PLAT: variants seen among roughly 807,000 people sequenced by gnomAD.
The protein encoded by PLAT is plasminogen activator, tissue type.
PLAT carries 48 observed loss-of-function variants against 74.9 expected under a neutral mutation model. The ratio of observed to expected loss-of-function variants is 0.64; its 90% CI spans 0.51 to 0.82. The LOEUF is 0.82. Ranked by LOEUF, PLAT falls within the 40% of genes least tolerant of loss-of-function variation. PLAT has a pLI of 0.00. For missense variants in PLAT, 673 were observed against 736.2 expected (o/e 0.91, Z 0.99); for synonymous variants, 307 against 294.4 (o/e 1.04, Z -0.44).
At position 42,175,954 on chromosome 8, in the gene PLAT, C is replaced by T. The variant is rs995263361; in HGVS notation, c.*39G>A. 14 of 1,605,320 alleles carry T rather than the reference C, an allele frequency of 8.7e-6. No individual in the cohort carries two copies. Among genetic ancestry groups the T allele is most frequent in the Admixed American group, 3.3e-5 (2 of 59,794 alleles). The stretch of plus-strand genomic sequence containing the variant: ...GCAGTGTCTTCTGAAGAAGAAGAGG[C>T]GGGATCTCATTTGCTTTTGAGGAGT... On this transcript the variant is annotated 3_prime_UTR_variant, in exon 14 of 14. Coordinates refer to ENST00000220809, the MANE Select transcript of PLAT (RefSeq NM_000930.5).
At chr8:42,178,245 C>T (rs1390457521) in intron 13 of PLAT, among the ~76,000 whole-genome samples, 4 of 150,214 alleles carry the variant, frequency 2.7e-5, no homozygotes, top group Admixed American at 6.6e-5. Context: ...CTAGTGCCAA[C>T]AGAGGCAAAC....
In PLAT at chr8:42,203,990, TATACAC is replaced by T. The variant is rs1273335003; in HGVS notation, c.-27+3498_-27+3503del. On this transcript the variant is annotated intron_variant, in intron 1 of 13. Transcript: ENST00000220809. ...TAAATTATATATATATATATATATA[TATACAC>T]ACACACACACACACACACACACACA... 9.1e-5 allele frequency among the ~76,000 whole-genome samples: 11 copies of T among 121,112 alleles called. No homozygotes were observed. The East Asian group carries it at 1.1e-3, about 12-fold the overall frequency. The allele number at this position is 121,112 out of a possible 152,430, so 79.5% of individuals were successfully genotyped here.
At chr8:42,179,694 A>T (rs1407104398) in intron 12 of PLAT, among the ~76,000 whole-genome samples, 1 of 151,998 alleles carries the variant, frequency 6.6e-6, no homozygotes, top group Non-Finnish European at 1.5e-5. Flanking sequence ...AACCTTCCCA[A>T]CACCTGCAGC....
At chr8:42,200,916 G>A (rs537571995) in intron 1 of PLAT, among the ~76,000 whole-genome samples, 4 of 151,654 alleles carry the variant, frequency 2.6e-5, no homozygotes, top group Admixed American at 6.6e-5. Context: ...TGCAACCTCC[G>A]CCTCCTGGGT....
At chr8:42,198,241 GC>G (rs1247961886) in intron 1 of PLAT, among the ~76,000 whole-genome samples, 9 of 152,200 alleles carry the variant, frequency 5.9e-5, no homozygotes, top group Non-Finnish European at 1.3e-4. Context: ...TGTAATCCCA[GC>G]ACTTTGGGAG....
chr8:42,192,107 G>C (rs966813905), intron 2 of PLAT, among the ~76,000 whole-genome samples: 2 of 149,956 alleles, frequency 1.3e-5, no homozygotes, highest in African/African-American at 4.9e-5. Flanking sequence ...GAACTTAAGC[G>C]ATCCTCCCGC....
intron 6 of PLAT, chr8:42,187,107 T>C (rs1354920418): frequency 1.0e-5 from 3 of 300,578 alleles, no homozygotes; most frequent in Non-Finnish European, 1.2e-5. Flanking sequence ...CATCTATCAA[T>C]CTATCATCTA....
intron 2 of PLAT, among the ~76,000 whole-genome samples, chr8:42,191,684 C>T (rs376104967): frequency 2.6e-5 from 4 of 152,018 alleles, no homozygotes; most frequent in African/African-American, 7.2e-5. Context: ...ACAGGGCCAC[C>T]GAGTGCTTTG....
chr8:42,180,932 G>A (rs1204150753), intron 9 of PLAT, among the ~76,000 whole-genome samples: 2 of 152,216 alleles, frequency 1.3e-5, no homozygotes, highest in African/African-American at 4.8e-5. Context: ...CCAAAACTGG[G>A]GATCTGCCAT....
rs552849606 is a variant in PLAT, at chr8:42,179,005, G to A, written c.1422C>T (p.Ser474=). Residue 474 remains serine, a synonymous_variant, in exon 13 of 14, where the codon AGC becomes AGT. Transcript: ENST00000220809. The part of the protein sequence containing the change: ...KEAHVRLYPS[S]RCTSQHLLNR... ...TAAGTAAATGTTGTGATGTGCAGCG[G>A]CTGGATGGGTACAGTCTGACATGAG... 1.9e-6 allele frequency: 3 copies of A among 1,613,440 alleles called. No individual in the cohort carries two copies. In the Admixed American group the frequency reaches 5.0e-5, roughly 27 times the overall value.
chr8:42,204,392 A>G (rs1176842550), intron 1 of PLAT, among the ~76,000 whole-genome samples: 1 of 152,242 alleles, frequency 6.6e-6, no homozygotes, highest in African/African-American at 2.4e-5. Context: ...AAAATCACTC[A>G]GAGAAAGTAA....
intron 11 of PLAT, 44 bp from the exon 12 acceptor site, chr8:42,180,110 C>G: frequency 6.3e-7 from 1 of 1,589,552 alleles, no homozygotes; most frequent in Non-Finnish European, 8.6e-7. Flanking sequence ...AGGGCCGCGT[C>G]CCCGGGAGGG....
intron 1 of PLAT, among the ~76,000 whole-genome samples, chr8:42,206,405 A>G (rs1302840056): frequency 6.6e-6 from 1 of 152,220 alleles, no homozygotes; most frequent in Non-Finnish European, 1.5e-5. Context: ...GATTGAGTCT[A>G]GATCCCAGAA....
At chr8:42,200,642 A>C (rs1806092352) in intron 1 of PLAT, among the ~76,000 whole-genome samples, 1 of 141,760 alleles carries the variant, frequency 7.1e-6, no homozygotes, top group Admixed American at 7.6e-5. Flanking sequence ...ATACCACTGC[A>C]CTCCAGCTTG....
In PLAT at chr8:42,180,394, C is replaced by T. The variant is rs1805186610; in HGVS notation, c.1086-16G>A. 2 of 1,614,000 alleles carry T rather than the reference C, an allele frequency of 1.2e-6. No individual in the cohort carries two copies. Among genetic ancestry groups the T allele is most frequent in the Non-Finnish European group, 1.7e-6 (2 of 1,179,962 alleles). On this transcript the variant is annotated splice_polypyrimidine_tract_variant and intron_variant, in intron 10 of 13. Coordinates refer to ENST00000220809, the MANE Select transcript of PLAT (RefSeq NM_000930.5). The stretch of plus-strand genomic sequence containing the variant: ...GGGCGGAAACCTGGTGGAGAAACAG[C>T]CTTAGAATGCTTTTTTTGCTGTGGG...
chr8:42,181,921 G>C lies in PLAT; in HGVS notation c.889+16C>G. The C allele has an allele frequency of 6.5e-7, 1 of 1,549,654 alleles. No individual in the cohort carries two copies. The highest frequency in any genetic ancestry group is 8.9e-7 in the Non-Finnish European group (1 of 1,121,314). On this transcript the variant is annotated intron_variant, in intron 9 of 13. Transcript: ENST00000220809. ...GGAGACCAGGTGCAGGGAGGCAGCC[G>C]GGGCCCAGCCCTTACAGCAGGAGGG...
Position 42,204,371 on chromosome 8 carries a change from A to C in PLAT, c.-27+3123T>G, listed in dbSNP as rs183760155. Among the ~76,000 whole-genome samples the C allele has an allele frequency of 2.0e-5, 3 of 152,322 alleles. No individual in the cohort carries two copies. In the East Asian group the frequency reaches 5.8e-4, roughly 29 times the overall value. ...ATTGTCCGTCCCAACAATCTCATCAAAGCAGAAGCGAAAATCACTCAGAGA... is the reference window on the plus strand; with the variant it reads ...ATTGTCCGTCCCAACAATCTCATCACAGCAGAAGCGAAAATCACTCAGAGA... On this transcript the variant is annotated intron_variant, in intron 1 of 13. Transcript: ENST00000220809.
chr8:42,187,216 C>T, intron 6 of PLAT, 182 bp downstream of exon 6: 1 of 502,266 alleles, frequency 2.0e-6, no homozygotes, highest in Non-Finnish European at 3.5e-6. Flanking sequence ...TATCACCTAT[C>T]ATCTATCATC....
intron 1 of PLAT, among the ~76,000 whole-genome samples, chr8:42,198,799 A>C (rs563301150): frequency 4.6e-5 from 7 of 152,368 alleles, no homozygotes; most frequent in African/African-American, 1.4e-4. Flanking sequence ...AAACCTGAGC[A>C]AGAGAAAGTC....
Sources: gnomAD v4.1 joint callset for allele counts (sites outside exome capture counted in the v4.1 genomes callset) on GRCh38, gnomAD v4.1.1 for gene constraint, MANE v1.5 for transcripts, NCBI Gene and HGNC (gene_info 2026-07-23, HGNC 2026-07-21) for gene names.